NPHP1: variants seen among roughly 807,000 people sequenced by gnomAD.
NPHP1 encodes the protein nephrocystin-1.
A neutral mutation model predicts 90.4 loss-of-function variants in NPHP1; 70 were observed. The observed-to-expected ratio is 0.77, with a 90% CI of 0.64 to 0.95. The LOEUF (loss-of-function observed/expected upper bound fraction) is 0.95. Ranked by LOEUF, NPHP1 falls within the 40% of genes least tolerant of loss-of-function variation. The pLI is 0.00. For synonymous variants in NPHP1, 256 were observed against 271.7 expected (o/e 0.94, Z 0.57); for missense variants, 764 against 795.9 (o/e 0.96, Z 0.48).
intron 2 of NPHP1, among the ~76,000 whole-genome samples, chr2:110,193,198 A>G (rs1684876830): frequency 1.3e-5 from 2 of 152,186 alleles, no homozygotes; most frequent in South Asian, 4.1e-4. Flanking sequence ...TCCAATTAAA[A>G]GACACAGATT....
chr2:110,132,620 C>T (rs1679875120), intron 16 of NPHP1, among the ~76,000 whole-genome samples: 1 of 152,136 alleles, frequency 6.6e-6, no homozygotes, highest in Non-Finnish European at 1.5e-5. Flanking sequence ...TGCCACTGCA[C>T]TCCAACCTGG....
intron 19 of NPHP1, 95 bp downstream of exon 19, chr2:110,125,542 T>G (rs936475050): frequency 1.6e-6 from 2 of 1,267,420 alleles, no homozygotes; most frequent in Non-Finnish European, 2.3e-6. Context: ...ATTATGACTA[T>G]GGCTACTTTT....
intron 11 of NPHP1, among the ~76,000 whole-genome samples, chr2:110,150,495 A>G (rs895033110): frequency 2.6e-5 from 4 of 152,198 alleles, no homozygotes; most frequent in African/African-American, 9.6e-5. Context: ...ATTCCTTAAT[A>G]TCTGAGATAG....
intron 2 of NPHP1, among the ~76,000 whole-genome samples, chr2:110,191,300 C>T (rs928839198): frequency 3.3e-5 from 5 of 152,144 alleles, no homozygotes; most frequent in South Asian, 2.1e-4. Flanking sequence ...CCTGGAAAAT[C>T]GGGTCACCCC....
chr2:110,130,157 C>T (rs992961020), intron 17 of NPHP1, among the ~76,000 whole-genome samples: 4 of 152,114 alleles, frequency 2.6e-5, no homozygotes, highest in Admixed American at 6.5e-5. Context: ...ATGGCCTAAT[C>T]GCCACTCAAA....
intron 4 of NPHP1, among the ~76,000 whole-genome samples, chr2:110,170,857 G>C (rs1185858223): frequency 2.0e-5 from 3 of 152,126 alleles, no homozygotes; most frequent in Non-Finnish European, 4.4e-5. Context: ...GGAGATTTAA[G>C]ATTAGGAAAC....
intron 11 of NPHP1, among the ~76,000 whole-genome samples, chr2:110,153,314 A>G (rs1240129144): frequency 6.6e-6 from 1 of 152,160 alleles, no homozygotes; most frequent in East Asian, 1.9e-4. Flanking sequence ...GTTAAAGGAG[A>G]TTCTCTAAAT....
chr2:110,201,425 G>C lies in NPHP1; in HGVS notation c.139C>G (p.Gln47Glu), dbSNP rs1454994826. 6.3e-7 allele frequency: 1 copy of C among 1,599,620 alleles called. No individual in the cohort carries two copies. Among genetic ancestry groups the C allele is most frequent in the Non-Finnish European group, 8.6e-7 (1 of 1,168,660 alleles). Residue 47 changes from glutamine (Q) to glutamate (E), a missense_variant, in exon 2 of 20, where the codon CAA (glutamine) becomes GAA (glutamate). Coordinates refer to ENST00000445609, the MANE Select transcript of NPHP1 (RefSeq NM_001128178.3). ...LEPNKRQHIYQRCIQLKQAID... is the reference protein window; with the variant it reads ...LEPNKRQHIYERCIQLKQAID... ...ATATAATTTAGCATACTTTACCTTT[G>C]ATAAATATGTTGTCTTTTATTGGGT...
chr2:110,184,996 C>A, intron 2 of NPHP1: 1 of 619,852 alleles, frequency 1.6e-6, no homozygotes. Flanking sequence ...CTACCTTGTT[C>A]AAAGGTTTTG....
rs751003854 is a variant in NPHP1 at position 110,163,090 on chromosome 2, C to T, written c.817G>A (p.Ala273Thr). ...GAGAGCGTGGAAGGCCTGAACCCTG[C>T]AGGAATAGCTCCCATCGTAGTTAAC... is the stretch of plus-strand genomic sequence containing the variant. ...DVLTTMGAIPAGFRPSTLSQL... is the reference protein window; with the variant it reads ...DVLTTMGAIPTGFRPSTLSQL... Residue 273 changes from alanine to threonine, a missense_variant, in exon 9 of 20, where the codon GCA (alanine) becomes ACA (threonine). By Grantham distance (58) the Ala-to-Thr change is moderately conservative (BLOSUM62 0). Transcript: ENST00000445609. The T allele has an allele frequency of 2.7e-5, 44 of 1,613,580 alleles. No individual in the cohort carries two copies. The highest frequency in any genetic ancestry group is 3.3e-4 in the Middle Eastern group (2 of 6,080).
chr2:110,192,110 T>C (rs1479071646), intron 2 of NPHP1, among the ~76,000 whole-genome samples: 16 of 152,216 alleles, frequency 1.1e-4, no homozygotes, highest in East Asian at 1.9e-4. Flanking sequence ...CTCTCCTCCT[T>C]CAAAGGATTG....
chr2:110,152,939 A>C (rs1310175123), intron 11 of NPHP1, among the ~76,000 whole-genome samples: 1 of 152,146 alleles, frequency 6.6e-6, no homozygotes, highest in Non-Finnish European at 1.5e-5. Context: ...ATTTGACAAA[A>C]GACATAAACC....
Position 110,165,129 on chromosome 2 carries a change from T to C in NPHP1, c.651A>G (p.Gln217=), listed in dbSNP as rs201107818. 1.7e-5 allele frequency: 27 copies of C among 1,613,566 alleles called. No homozygotes were observed. The East Asian group carries it at 3.8e-4, about 23-fold the overall frequency. The part of the protein sequence containing the change: ...LEPYSEEEEG[Q]ESSEEGSEED... ...CTTCACTGCCCTCTTCACTTGACTCTTGGCCTTCTTCTTCTTCACTATAAG... is the reference window on the plus strand; with the variant it reads ...CTTCACTGCCCTCTTCACTTGACTCCTGGCCTTCTTCTTCTTCACTATAAG... The change falls in exon 7 of 20, where the codon CAA becomes CAG. Residue 217 remains glutamine (Q), a synonymous_variant. Transcript: ENST00000445609.
chr2:110,201,934 A>G (rs1394373026), intron 1 of NPHP1, among the ~76,000 whole-genome samples: 1 of 152,192 alleles, frequency 6.6e-6, no homozygotes, highest in African/African-American at 2.4e-5. Flanking sequence ...TGCCCTTGCC[A>G]GTAAATCCCC....
chr2:110,196,549 G>A (rs1369300926), intron 2 of NPHP1, among the ~76,000 whole-genome samples: 1 of 152,146 alleles, frequency 6.6e-6, no homozygotes, highest in Non-Finnish European at 1.5e-5. Context: ...CTTTTACACT[G>A]TTGGTGGGAC....
intron 16 of NPHP1, among the ~76,000 whole-genome samples, chr2:110,142,068 AG>A (rs1387783504): frequency 6.6e-6 from 1 of 152,060 alleles, no homozygotes; most frequent in African/African-American, 2.4e-5. Context: ...TCTCACTCCT[AG>A]GTATTTATAC....
At chr2:110,164,486 A>AC (rs1682566569) in intron 8 of NPHP1, 1 of 977,894 alleles carries the variant, frequency 1.0e-6, no homozygotes, top group Admixed American at 1.8e-5. Context: ...TTCTTTTTGT[A>AC]CAAAAAAAAA....
At chr2:110,132,129 C>A (rs917693895) in intron 16 of NPHP1, among the ~76,000 whole-genome samples, 3 of 152,154 alleles carry the variant, frequency 2.0e-5, no homozygotes, top group South Asian at 4.1e-4. Flanking sequence ...TTAACAAAGG[C>A]ATGTGGCTGC....
intron 9 of NPHP1, among the ~76,000 whole-genome samples, chr2:110,162,710 G>A (rs942277365): frequency 6.6e-6 from 1 of 152,102 alleles, no homozygotes; most frequent in African/African-American, 2.4e-5. Context: ...CCTTTAAGGT[G>A]GGGAGAATTA....
Sources: allele counts gnomAD v4.1 joint callset (sites outside exome capture counted in the v4.1 genomes callset), GRCh38; gene constraint gnomAD v4.1.1; transcripts MANE v1.5; gene names NCBI Gene and HGNC (gene_info 2026-07-23, HGNC 2026-07-21).